PSD3: variants seen among roughly 807,000 people sequenced by gnomAD.
PSD3 encodes the protein pleckstrin and Sec7 domain containing 3.
PSD3 carries 49 observed loss-of-function variants against 105.5 expected under a neutral mutation model. The observed-to-expected ratio is 0.46, with a 90% CI of 0.37 to 0.59. The LOEUF is 0.59. PSD3 is among the 20% of genes least tolerant of loss of function. The pLI is 0.00. For synonymous variants in PSD3, 557 were observed against 457.8 expected (o/e 1.22, Z -2.77); for missense variants, 1,561 against 1,263.8 (o/e 1.24, Z -3.57).
intron 9 of PSD3, among the ~76,000 whole-genome samples, chr8:18,726,904 T>C (rs1803367995): frequency 6.6e-6 from 1 of 152,174 alleles, no homozygotes; most frequent in South Asian, 2.1e-4. Context: ...AATAAATTGC[T>C]AGGCTGGGTG....
chr8:18,727,850 C>A (rs183036788), intron 9 of PSD3, among the ~76,000 whole-genome samples: 1 of 152,004 alleles, frequency 6.6e-6, no homozygotes, highest in Non-Finnish European at 1.5e-5. Flanking sequence ...GTAACATATC[C>A]CACCCATCGA....
At chr8:18,989,098 A>C (rs1463122064) in intron 1 of PSD3, among the ~76,000 whole-genome samples, 2 of 152,220 alleles carry the variant, frequency 1.3e-5, no homozygotes, top group Admixed American at 6.5e-5. Flanking sequence ...TCTTATGAAG[A>C]AATAAATAGC....
At chr8:19,030,860 AT>A in intron 1 of PSD3, among the ~76,000 whole-genome samples, 1 of 152,302 alleles carries the variant, frequency 6.6e-6, no homozygotes, top group Non-Finnish European at 1.5e-5. Flanking sequence ...GTTATGAAAA[AT>A]ATACCTGGAT....
chr8:18,873,885 A>G (rs1455242625), intron 2 of PSD3, among the ~76,000 whole-genome samples: 1 of 152,234 alleles, frequency 6.6e-6, no homozygotes, highest in Non-Finnish European at 1.5e-5. Context: ...CAGTATTAGT[A>G]TATATTCACT....
At chr8:19,008,990 CAATTAGAAATTA>C (rs1388135402) in intron 1 of PSD3, among the ~76,000 whole-genome samples, 3 of 152,144 alleles carry the variant, frequency 2.0e-5, no homozygotes, top group Non-Finnish European at 4.4e-5. Flanking sequence ...TGAGGTGATG[CAATTAGAAATTA>C]AATTAGAAAT....
At chr8:18,989,122 C>T (rs533326610) in intron 1 of PSD3, among the ~76,000 whole-genome samples, 8 of 152,316 alleles carry the variant, frequency 5.3e-5, no homozygotes. Flanking sequence ...CCAGAGATGA[C>T]AAAGGCCATG....
chr8:18,728,794 T>C (rs1803515380), intron 9 of PSD3, among the ~76,000 whole-genome samples: 1 of 63,110 alleles, frequency 1.6e-5, no homozygotes, highest in Non-Finnish European at 3.3e-5. Context: ...AATATAACCT[T>C]TATATGTCAA....
At chr8:18,724,464 G>A (rs1803208925) in intron 9 of PSD3, among the ~76,000 whole-genome samples, 1 of 151,766 alleles carries the variant, frequency 6.6e-6, no homozygotes, top group Non-Finnish European at 1.5e-5. Context: ...AATAAAACAT[G>A]AGCTGTGTGG....
intron 1 of PSD3, among the ~76,000 whole-genome samples, chr8:18,937,805 G>T (rs1822246880): frequency 6.6e-6 from 1 of 152,208 alleles, no homozygotes; most frequent in Non-Finnish European, 1.5e-5. Flanking sequence ...GCCACGTAAG[G>T]TGCCCTAATT....
intron 8 of PSD3, among the ~76,000 whole-genome samples, chr8:18,784,222 C>T (rs748223032): frequency 8.6e-5 from 13 of 151,988 alleles, no homozygotes; most frequent in East Asian, 1.9e-4. Context: ...TGATATCGTG[C>T]GTGGTGATTC....
At chr8:18,654,266 A>C (rs1408713364) in intron 10 of PSD3, among the ~76,000 whole-genome samples, 1 of 152,188 alleles carries the variant, frequency 6.6e-6, no homozygotes, top group African/African-American at 2.4e-5. Flanking sequence ...ATTCCTGCAC[A>C]TTATATGTAA....
chr8:18,648,142 G>T (rs865971157), intron 10 of PSD3, among the ~76,000 whole-genome samples: 2 of 152,246 alleles, frequency 1.3e-5, no homozygotes, highest in South Asian at 4.2e-4. Flanking sequence ...AAAAATACCT[G>T]AAAATGTAGC....
intron 15 of PSD3, among the ~76,000 whole-genome samples, chr8:18,543,405 G>C (rs10086411): frequency 0.074 from 11,199 of 152,070 alleles, 820 homozygotes; most frequent in South Asian, 0.2. Flanking sequence ...ACGAGGTCAA[G>C]AGATCGAGAC....
At position 18,804,581 on chromosome 8, in the gene PSD3, A is replaced by C; in HGVS notation, c.1851T>G (p.Val617=). ...LGKNNEFSKL[V]AEEYLKFFDF... ...CAAAAAACTTCAGATATTCTTCTGCAACTAGTTTGCTAAATTCGTTGCTAT... is the reference window on the plus strand; with the variant it reads ...CAAAAAACTTCAGATATTCTTCTGCCACTAGTTTGCTAAATTCGTTGCTAT... Residue 617 remains valine, a synonymous_variant, in exon 6 of 16, where the codon GTT becomes GTG. Coordinates refer to ENST00000327040, the MANE Select transcript of PSD3 (RefSeq NM_015310.4). The C allele has an allele frequency of 6.2e-7, 1 of 1,613,622 alleles. No homozygotes were observed. Among genetic ancestry groups the C allele is most frequent in the Non-Finnish European group, 8.5e-7 (1 of 1,179,538 alleles).
chr8:18,665,707 G>A (rs1403817163), intron 9 of PSD3, among the ~76,000 whole-genome samples: 5 of 152,164 alleles, frequency 3.3e-5, no homozygotes, highest in African/African-American at 7.2e-5. Context: ...CTACAGCTGG[G>A]TGTGGGTGGC....
At chr8:19,045,846 A>T (rs1266203497) in intron 1 of PSD3, among the ~76,000 whole-genome samples, 1 of 152,152 alleles carries the variant, frequency 6.6e-6, no homozygotes, top group Non-Finnish European at 1.5e-5. Flanking sequence ...AAATCCTCAC[A>T]ATAACCTGTC....
At chr8:18,893,975 T>G (rs1818982682) in intron 2 of PSD3, among the ~76,000 whole-genome samples, 1 of 152,210 alleles carries the variant, frequency 6.6e-6, no homozygotes, top group Non-Finnish European at 1.5e-5. Context: ...ATGCAAGAGC[T>G]TGGAAGCAAT....
chr8:18,686,938 A>C (rs1800692479), intron 9 of PSD3, among the ~76,000 whole-genome samples: 1 of 152,058 alleles, frequency 6.6e-6, no homozygotes, highest in East Asian at 1.9e-4. Context: ...TTCTGTGACC[A>C]TCCTTCCTTA....
chr8:18,887,133 T>C (rs958432481), intron 2 of PSD3: 2 of 152,166 alleles, frequency 1.3e-5, no homozygotes, highest in African/African-American at 4.8e-5. Flanking sequence ...TGCAGCATTT[T>C]CTCTGATGCA....
Sources: allele counts gnomAD v4.1 joint callset (sites outside exome capture counted in the v4.1 genomes callset), GRCh38; gene constraint gnomAD v4.1.1; transcripts MANE v1.5; gene names NCBI Gene and HGNC (gene_info 2026-07-23, HGNC 2026-07-21).